Variants in CHCHD3 observed in about 807,000 individuals in gnomAD.
CHCHD3 encodes MICOS complex subunit MIC19.
CHCHD3 carries 20 observed loss-of-function variants against 38.2 expected under a neutral mutation model. The ratio of observed to expected loss-of-function variants is 0.52; its 90% CI spans 0.37 to 0.76. CHCHD3 has a LOEUF of 0.76. Among genes scored for constraint, CHCHD3 ranks in the 30% least tolerant of loss-of-function variants. The probability of loss-of-function intolerance (pLI) is 0.00; values close to 1 mark genes in which losing one functional copy is unlikely to be tolerated. For synonymous variants in CHCHD3, 82 were observed against 100.0 expected (o/e 0.82, Z 1.07); for missense variants, 245 against 279.2 (o/e 0.88, Z 0.87).
chr7:133,078,504 C>CA (rs1016085328), intron 1 of CHCHD3, among the ~76,000 whole-genome samples: 1 of 151,678 alleles, frequency 6.6e-6, no homozygotes, highest in Non-Finnish European at 1.5e-5. Context: ...GACTCCAACT[C>CA]AAAAAAACCT....
At chr7:132,809,252 C>G (rs949837921) in intron 6 of CHCHD3, among the ~76,000 whole-genome samples, 11 of 151,980 alleles carry the variant, frequency 7.2e-5, no homozygotes, top group African/African-American at 2.7e-4. Flanking sequence ...AGCCACAGCA[C>G]CGGCTAATTC....
intron 2 of CHCHD3, among the ~76,000 whole-genome samples, chr7:133,047,233 C>T (rs994669203): frequency 1.3e-5 from 2 of 151,948 alleles, no homozygotes; most frequent in African/African-American, 4.8e-5. Context: ...AGAGGCAAGA[C>T]AAAGGTAAAA....
At chr7:132,819,928 T>C (rs1028231130) in intron 6 of CHCHD3, among the ~76,000 whole-genome samples, 2 of 152,202 alleles carry the variant, frequency 1.3e-5, no homozygotes, top group Non-Finnish European at 2.9e-5. Context: ...TGAGAAAAGA[T>C]GGCAAAAGAT....
chr7:132,870,794 T>C (rs78589188), intron 5 of CHCHD3, among the ~76,000 whole-genome samples: 3,427 of 152,198 alleles, frequency 0.023, 74 homozygotes, highest in Non-Finnish European at 0.03. Flanking sequence ...GATGAGATAA[T>C]CATAACTAGG....
At chr7:132,893,871 G>A (rs896916973) in intron 4 of CHCHD3, among the ~76,000 whole-genome samples, 1 of 152,192 alleles carries the variant, frequency 6.6e-6, no homozygotes, top group African/African-American at 2.4e-5. Context: ...CCTCAGCCAT[G>A]TGAAATTGTG....
chr7:133,033,389 T>C (rs1345087655), intron 2 of CHCHD3, among the ~76,000 whole-genome samples: 1 of 151,972 alleles, frequency 6.6e-6, no homozygotes. Flanking sequence ...GCCATGAAGA[T>C]CCCTCCCCGT....
intron 2 of CHCHD3, among the ~76,000 whole-genome samples, chr7:133,047,177 A>C (rs997550529): frequency 1.1e-4 from 17 of 152,202 alleles, no homozygotes; most frequent in Non-Finnish European, 1.5e-5. Flanking sequence ...ATACACAGTC[A>C]ATGGGACTTC....
intron 6 of CHCHD3, among the ~76,000 whole-genome samples, chr7:132,817,891 C>CA (rs3076183): frequency 0.12 from 16,216 of 136,048 alleles, 1,286 homozygotes; most frequent in African/African-American, 0.24. Flanking sequence ...GACCCTGTCT[C>CA]AAAAAAAAAA....
intron 4 of CHCHD3, chr7:132,972,883 C>CT (rs1781068340): frequency 1.0e-6 from 1 of 985,320 alleles, no homozygotes; most frequent in South Asian, 4.7e-5. Context: ...AGGCCAGTTT[C>CT]TCATGCTTCA....
At position 132,914,121 on chromosome 7, in the gene CHCHD3, G is replaced by GGTGTGTGT. The variant is rs1234351482; in HGVS notation, c.370-28377_370-28376insACACACAC. On this transcript the variant is annotated intron_variant, in intron 4 of 7. Coordinates refer to ENST00000262570, the MANE Select transcript of CHCHD3 (RefSeq NM_017812.4). ...ATTACAGATGCCCACCACCATGCCTGGCGTGTGTGTGTGTGTGTGTGTGTG... is the reference window on the plus strand; with the variant it reads ...ATTACAGATGCCCACCACCATGCCTGGTGTGTGTGCGTGTGTGTGTGTGTGTGTGTGTG... 5.0e-3 allele frequency among the ~76,000 whole-genome samples: 566 copies of GGTGTGTGT among 114,000 alleles called. 10 individuals are homozygous for GGTGTGTGT. The highest frequency in any genetic ancestry group is 0.019 in the African/African-American group (539 of 28,290). 74.8% of individuals were successfully genotyped at this position (114,000 alleles called of 152,430 possible). A position where few individuals can be genotyped will look rare whatever the true frequency, so the allele number is the denominator to read the frequency against.
intron 5 of CHCHD3, among the ~76,000 whole-genome samples, chr7:132,879,073 T>C (rs1383654819): frequency 6.6e-6 from 1 of 152,164 alleles, no homozygotes; most frequent in African/African-American, 2.4e-5. Flanking sequence ...AGTAAGCACA[T>C]GATGAATAAT....
At chr7:132,887,132 GCTTAA>G (rs1317173867) in intron 4 of CHCHD3, 1 of 401,212 alleles carries the variant, frequency 2.5e-6, no homozygotes. Context: ...AAAAGGAAAT[GCTTAA>G]CTTGAGACAC....
chr7:132,829,593 G>C (rs1350404118), intron 6 of CHCHD3, among the ~76,000 whole-genome samples: 2 of 152,160 alleles, frequency 1.3e-5, no homozygotes, highest in Admixed American at 1.3e-4. Flanking sequence ...GAAAGAAGAT[G>C]CTTGGTGCAA....
At chr7:133,081,293 T>C (rs907545570) in intron 1 of CHCHD3, among the ~76,000 whole-genome samples, 2 of 150,292 alleles carry the variant, frequency 1.3e-5, no homozygotes, top group African/African-American at 4.9e-5. Flanking sequence ...CAAGTGAAAG[T>C]GAAGCAGGGA....
intron 4 of CHCHD3, chr7:132,972,473 G>A: frequency 1.6e-6 from 1 of 612,924 alleles, no homozygotes; most frequent in Non-Finnish European, 2.0e-6. Flanking sequence ...TCTCTGAATT[G>A]TAGTACATTG....
chr7:132,989,894 C>T (rs1812225713), intron 3 of CHCHD3, among the ~76,000 whole-genome samples: 2 of 152,144 alleles, frequency 1.3e-5, no homozygotes, highest in Non-Finnish European at 2.9e-5. Context: ...CATCAAATGT[C>T]ATAATATTCA....
chr7:132,858,641 C>T (rs9791530), intron 5 of CHCHD3, among the ~76,000 whole-genome samples: 103,918 of 152,012 alleles, frequency 0.68, 36,098 homozygotes, highest in East Asian at 0.78. Flanking sequence ...TTTTAGTCTT[C>T]AGCTCTCTGA....
At chr7:132,954,384 T>C (rs868370062) in intron 4 of CHCHD3, among the ~76,000 whole-genome samples, 1 of 152,184 alleles carries the variant, frequency 6.6e-6, no homozygotes, top group Non-Finnish European at 1.5e-5. Flanking sequence ...AGGAAGCTCA[T>C]GGCCACGACA....
chr7:133,011,194 A>C (rs1190026342), intron 3 of CHCHD3, among the ~76,000 whole-genome samples: 1 of 152,148 alleles, frequency 6.6e-6, no homozygotes, highest in East Asian at 1.9e-4. Flanking sequence ...AGAGGGTGTA[A>C]ATGTGTAACA....
Sources: allele counts gnomAD v4.1 joint callset (sites outside exome capture counted in the v4.1 genomes callset), GRCh38; gene constraint gnomAD v4.1.1; transcripts MANE v1.5; gene names NCBI Gene and HGNC (gene_info 2026-07-23, HGNC 2026-07-21).